The following MS4A13 variants were observed in gnomAD, a reference collection of about 807,000 sequenced individuals.
The protein encoded by MS4A13 is membrane spanning 4-domains A13.
A neutral mutation model predicts 18.4 loss-of-function variants in MS4A13; 21 were observed. That is an observed-to-expected ratio of 1.14 (90% CI 0.81 to 1.64). The LOEUF is 1.64. Ranked by LOEUF, MS4A13 falls within the 40% of genes most tolerant of loss-of-function variation. The probability of loss-of-function intolerance (pLI) is 0.00; values close to 1 mark genes in which losing one functional copy is unlikely to be tolerated. For missense variants in MS4A13, 173 were observed against 176.8 expected (o/e 0.98, Z 0.12); for synonymous variants, 62 against 57.2 (o/e 1.08, Z -0.38).
intron 4 of MS4A13, among the ~76,000 whole-genome samples, chr11:60,524,721 G>A (rs185466854): frequency 6.7e-6 from 1 of 148,182 alleles, no homozygotes; most frequent in Non-Finnish European, 1.5e-5. Context: ...GGAGTGCAGT[G>A]GCACAATCTC....
intron 5 of MS4A13, among the ~76,000 whole-genome samples, chr11:60,526,774 G>T (rs2086716259): frequency 6.6e-6 from 1 of 152,140 alleles, no homozygotes; most frequent in South Asian, 2.1e-4. Flanking sequence ...CCCAGGCAGG[G>T]TCAGAAAAGT....
intron 3 of MS4A13, among the ~76,000 whole-genome samples, chr11:60,523,449 C>A (rs75325817): frequency 3.2e-4 from 49 of 152,324 alleles, no homozygotes; most frequent in Admixed American, 1.5e-3. Context: ...AAAGAGACTG[C>A]ATATTTTGTA....
At chr11:60,530,854 A>G (rs1474384986) in intron 6 of MS4A13, among the ~76,000 whole-genome samples, 1 of 152,206 alleles carries the variant, frequency 6.6e-6, no homozygotes, top group Non-Finnish European at 1.5e-5. Context: ...TGATAGTTTT[A>G]TAAGTGTTTA....
intron 6 of MS4A13, among the ~76,000 whole-genome samples, chr11:60,540,627 T>A (rs1368049031): frequency 2.0e-5 from 3 of 152,012 alleles, no homozygotes; most frequent in Non-Finnish European, 4.4e-5. Context: ...ATACACAAAG[T>A]ATGTTTAATT....
chr11:60,538,657 G>T (rs1988800), intron 6 of MS4A13, among the ~76,000 whole-genome samples: 1 of 151,006 alleles, frequency 6.6e-6, no homozygotes, highest in Non-Finnish European at 1.5e-5. Flanking sequence ...TGCCAGCCTG[G>T]TGTCCCATCT....
rs376281845 is a variant in MS4A13 at position 60,535,401 on chromosome 11, C to A, written c.402+5941C>A. Among the ~76,000 whole-genome samples the A allele has an allele frequency of 2.4e-5, 3 of 122,664 alleles. 1 individual carries two copies. The highest frequency in any genetic ancestry group is 9.7e-5 in the African/African-American group (3 of 31,042). The allele number at this position is 122,664 out of a possible 152,430, so 80.5% of individuals were successfully genotyped here. A position where few individuals can be genotyped will look rare whatever the true frequency, so the allele number is the denominator to read the frequency against. ...TCAGAGAATACTACAAACACCTCTA[C>A]GCAAATAAACTAGAAAATCTAGAAG... On this transcript the variant is annotated intron_variant, in intron 6 of 6. Transcript: ENST00000378186.
At chr11:60,541,188 C>T (rs1427645418) in intron 6 of MS4A13, among the ~76,000 whole-genome samples, 3 of 152,074 alleles carry the variant, frequency 2.0e-5, no homozygotes, top group Admixed American at 6.5e-5. Flanking sequence ...TAAGTTATTG[C>T]AACAATTTTT....
At chr11:60,528,511 G>A (rs1831945348) in intron 5 of MS4A13, among the ~76,000 whole-genome samples, 1 of 151,990 alleles carries the variant, frequency 6.6e-6, no homozygotes, top group South Asian at 2.1e-4. Context: ...TAAGAAATCA[G>A]GAAGTTATGT....
At chr11:60,538,192 CG>C (rs1192271384) in intron 6 of MS4A13, among the ~76,000 whole-genome samples, 2 of 109,088 alleles carry the variant, frequency 1.8e-5, no homozygotes, top group Non-Finnish European at 3.9e-5. Flanking sequence ...AAAAAAAAAA[CG>C]AAAAAAAAAA....
chr11:60,525,104 C>G (rs1565211981), intron 4 of MS4A13, 103 bp from the exon 5 acceptor site: 1 of 793,018 alleles, frequency 1.3e-6, no homozygotes, highest in Non-Finnish European at 2.1e-6. Context: ...ACTTCAGAAA[C>G]TAGATCAAAG....
intron 4 of MS4A13, among the ~76,000 whole-genome samples, chr11:60,524,414 T>C (rs2086698560): frequency 6.6e-6 from 1 of 152,136 alleles, no homozygotes; most frequent in Admixed American, 6.5e-5. Context: ...TTTAGAATCT[T>C]AGAGCTAAAA....
intron 4 of MS4A13, among the ~76,000 whole-genome samples, chr11:60,524,670 T>TG: frequency 6.7e-6 from 1 of 150,370 alleles, no homozygotes; most frequent in East Asian, 2.0e-4. Context: ...TACTTTTTTT[T>TG]TTTTTTTTTT....
rs772884435 is a variant in MS4A13 at position 60,523,941 on chromosome 11, G to A, written c.174G>A (p.Pro58=). Residue 58 remains proline (P), a synonymous_variant, in exon 4 of 7, where the codon CCG becomes CCA. Transcript: ENST00000378186. The stretch of plus-strand genomic sequence containing the variant: ...TCCTAATAAGAGTAACAAAGTATCC[G>A]ACTCGATCTGGAGTAAGTTGAAATG... ...GVFLIRVTKY[P]TRSGIISTLI... 2.0e-6 allele frequency: 3 copies of A among 1,525,980 alleles called. No individual in the cohort carries two copies. Among genetic ancestry groups the A allele is most frequent in the East Asian group, 2.3e-5 (1 of 44,374 alleles). 94.5% of individuals were successfully genotyped at this position (1,525,980 alleles called of 1,614,324 possible). A position where few individuals can be genotyped will look rare whatever the true frequency, so the allele number is the denominator to read the frequency against.
In MS4A13 at chr11:60,518,188, A is replaced by G; in HGVS notation, c.105A>G (p.Thr35=). The stretch of plus-strand genomic sequence containing the variant: ...CGTATGAACCTGTAACTTACAAAAC[A>G]GGATGTACTTTATGGGGAATTTTTG... ...FGTYEPVTYK[T]GCTLWGIFFI... is the part of the protein sequence containing the mutation. Residue 35 remains threonine, a synonymous_variant, in exon 3 of 7, where the codon ACA becomes ACG. Transcript: ENST00000378186. 3 of 1,611,216 alleles carry G rather than the reference A, an allele frequency of 1.9e-6. No individual in the cohort carries two copies. Among genetic ancestry groups the G allele is most frequent in the Non-Finnish European group, 1.7e-6 (2 of 1,178,300 alleles).
intron 3 of MS4A13, 64 bp from the exon 4 acceptor site, chr11:60,523,833 A>T: frequency 2.1e-6 from 2 of 939,450 alleles, no homozygotes; most frequent in African/African-American, 1.6e-5. Flanking sequence ...GAGAGTTATT[A>T]AAAGTACATT....
intron 6 of MS4A13, among the ~76,000 whole-genome samples, chr11:60,535,570 T>G (rs1438990534): frequency 2.3e-5 from 2 of 85,782 alleles, no homozygotes; most frequent in African/African-American, 1.0e-4. Flanking sequence ...ACCAGATGGA[T>G]TCACAGCCGA....
At chr11:60,523,851 G>C in intron 3 of MS4A13, 46 bp from the exon 4 acceptor site, 1 of 1,053,578 alleles carries the variant, frequency 9.5e-7, no homozygotes, top group Middle Eastern at 2.7e-4. Flanking sequence ...ATTCTAAATT[G>C]GCAAGCATTA....
intron 6 of MS4A13, among the ~76,000 whole-genome samples, chr11:60,538,592 A>C (rs1373615594): frequency 7.2e-5 from 11 of 152,146 alleles, no homozygotes; most frequent in Admixed American, 6.5e-4. Flanking sequence ...AAATAAAAAA[A>C]AAAATTGCAG....
intron 2 of MS4A13, among the ~76,000 whole-genome samples, chr11:60,516,992 C>A: frequency 6.6e-6 from 1 of 150,572 alleles, no homozygotes. Flanking sequence ...ATATTAGAGG[C>A]TGGTGATAAA....
Sources: gnomAD v4.1 joint callset for allele counts (sites outside exome capture counted in the v4.1 genomes callset) on GRCh38, gnomAD v4.1.1 for gene constraint, MANE v1.5 for transcripts, NCBI Gene and HGNC (gene_info 2026-07-23, HGNC 2026-07-21) for gene names.